TAF1: variants seen among roughly 807,000 people sequenced by gnomAD.
The protein encoded by TAF1 is TATA-box binding protein associated factor 1.
A neutral mutation model predicts 138.5 loss-of-function variants in TAF1; 2 were observed. The ratio of observed to expected loss-of-function variants is 0.01; its 90% CI spans 0.01 to 0.05. TAF1 has a LOEUF of 0.05. Among genes scored for constraint, TAF1 ranks in the 10% least tolerant of loss-of-function variants. The pLI, the probability that TAF1 is intolerant of heterozygous loss-of-function variation, is 1.00. For synonymous variants in TAF1, 437 were observed against 503.2 expected, an observed-to-expected ratio of 0.87 and a Z score of 1.76; for missense variants, 709 against 1,478.0, an observed-to-expected ratio of 0.48 and a Z score of 8.53.
exon 15 of TAF1, chrX:71,529,798 T>C (rs955847544): frequency 6.1e-6 from 2 of 326,531 alleles, no homozygotes; most frequent in East Asian, 2.0e-4. Flanking sequence ...CTCATCTCCG[T>C]TTTGATACGT....
intron 28 of TAF1, among the ~76,000 whole-genome samples, chrX:71,410,949 A>AT (rs1765080797): frequency 9.2e-6 from 1 of 109,155 alleles, no homozygotes; most frequent in Non-Finnish European, 1.9e-5. Flanking sequence ...CACCGGGCTA[A>AT]TTTTTTTATT....
chrX:71,524,804 A>G (rs934221318), intron 13 of TAF1, among the ~76,000 whole-genome samples: 2 of 108,460 alleles, frequency 1.8e-5, no homozygotes, highest in Non-Finnish European at 3.8e-5. Flanking sequence ...AGCCAGGTGC[A>G]GTGGCGGTTG....
intron 13 of TAF1, among the ~76,000 whole-genome samples, chrX:71,515,782 T>A (rs2039813075): frequency 9.0e-6 from 1 of 111,704 alleles, no homozygotes; most frequent in South Asian, 3.7e-4. Context: ...TTTCTCCCTG[T>A]TACTTAGTCA....
At chrX:71,437,704 T>G (rs1022357522) in intron 32 of TAF1, among the ~76,000 whole-genome samples, 1 of 109,437 alleles carries the variant, frequency 9.1e-6, no homozygotes, top group Admixed American at 9.8e-5. Context: ...AAGTCCTTCA[T>G]GTCATTGAAG....
intron 37 of TAF1, among the ~76,000 whole-genome samples, chrX:71,462,344 G>A (rs147590887): frequency 0.013 from 1,485 of 111,462 alleles, 11 homozygotes; most frequent in African/African-American, 0.034. Flanking sequence ...TTGGGAGGCC[G>A]AGGCAGGCAG....
At chrX:71,405,894 T>C (rs966334611) in intron 25 of TAF1, among the ~76,000 whole-genome samples, 4 of 111,202 alleles carry the variant, frequency 3.6e-5, no homozygotes, top group African/African-American at 1.3e-4. Flanking sequence ...AAAAATGTGA[T>C]ACCATGGTCC....
chrX:71,508,564 C>T (rs1043767939), intron 13 of TAF1, among the ~76,000 whole-genome samples: 2 of 97,949 alleles, frequency 2.0e-5, no homozygotes, highest in Non-Finnish European at 4.1e-5. Flanking sequence ...ATGATCACAC[C>T]GCTGCACTCC....
At chrX:71,388,548 A>G in intron 16 of TAF1, 170 bp downstream of exon 16, 1 of 912,781 alleles carries the variant, frequency 1.1e-6, no homozygotes. Context: ...GCTGCCAGGA[A>G]GTTTAATGTG....
At chrX:71,508,084 CTCTA>C (rs1189949094) in intron 13 of TAF1, among the ~76,000 whole-genome samples, 47 of 94,783 alleles carry the variant, frequency 5.0e-4, no homozygotes, top group Non-Finnish European at 8.3e-4. Flanking sequence ...CTCTCTCTCT[CTCTA>C]TATATATATA....
chrX:71,426,700 AGT>A (rs1328461263), intron 32 of TAF1, among the ~76,000 whole-genome samples: 6 of 106,931 alleles, frequency 5.6e-5, no homozygotes, highest in Non-Finnish European at 1.2e-4. Context: ...GGGCAACAAG[AGT>A]GAAACTCCAT....
intron 32 of TAF1, 128 bp from the exon 33 acceptor site, chrX:71,454,040 CAA>C (rs1182478142): frequency 3.9e-6 from 2 of 510,102 alleles, no homozygotes; most frequent in Non-Finnish European, 6.5e-6. Flanking sequence ...GAAAGTAGAA[CAA>C]GAGTCCAAGT....
At chrX:71,408,176 G>A (rs772222671) in intron 28 of TAF1, 25 bp downstream of exon 28, 12 of 1,205,842 alleles carry the variant, frequency 1.0e-5, no homozygotes, top group Non-Finnish European at 1.3e-5. Context: ...TTCCGTGATT[G>A]CAAAGGTCAC....
intron 18 of TAF1, 66 bp from the exon 19 acceptor site, chrX:71,392,503 G>A: frequency 4.6e-6 from 5 of 1,076,646 alleles, no homozygotes; most frequent in Non-Finnish European, 4.9e-6. Context: ...TTCTACTCTT[G>A]TAGATATTGG....
At chrX:71,469,591 G>A (rs1441605588), downstream of TAF1, among the ~76,000 whole-genome samples, 1 of 109,283 alleles carries the variant, frequency 9.2e-6, no homozygotes. Context: ...ACCTACTCGG[G>A]AGGCTCGGGT....
chrX:71,424,226 G>A lies in TAF1; in HGVS notation c.4741G>A (p.Val1581Ile), dbSNP rs1174520565. 1.7e-6 allele frequency: 2 copies of A among 1,198,460 alleles called. No homozygotes were observed. Among genetic ancestry groups the A allele is most frequent in the South Asian group, 1.8e-5 (1 of 55,642 alleles). The change falls in exon 32 of 38, where the codon GTT (valine) becomes ATT (isoleucine). Residue 1581 changes from valine to isoleucine, a missense_variant. Val to Ile is a conservative substitution (Grantham distance 29). Coordinates refer to ENST00000423759, the MANE Select transcript of TAF1 (RefSeq NM_004606.5). ...DDVNLILANS[V>I]KYNGPESQYT... ...TGTAAACCTTATTCTGGCCAACAGT[G>A]TTAAGTATAATGGTGGGTATTTCTC...
intron 13 of TAF1, among the ~76,000 whole-genome samples, chrX:71,478,384 C>T (rs777409506): frequency 3.6e-5 from 4 of 110,451 alleles, no homozygotes; most frequent in Admixed American, 9.8e-5. Flanking sequence ...TGGCCAACTG[C>T]GGTGGCTCAT....
chrX:71,369,227 C>G (rs770000655), intron 3 of TAF1, among the ~76,000 whole-genome samples: 10 of 111,238 alleles, frequency 9.0e-5, no homozygotes, highest in African/African-American at 3.3e-4. Flanking sequence ...GAACTCCTTA[C>G]CTCAAGTGAC....
intron 13 of TAF1, among the ~76,000 whole-genome samples, chrX:71,486,366 A>T (rs1326884223): frequency 2.8e-5 from 3 of 107,114 alleles, no homozygotes; most frequent in African/African-American, 1.0e-4. Flanking sequence ...TATTTTTTTT[A>T]ATTTGTTTTA....
chrX:71,372,259 C>T (rs2033114786), intron 3 of TAF1, among the ~76,000 whole-genome samples: 1 of 108,842 alleles, frequency 9.2e-6, no homozygotes, highest in Non-Finnish European at 1.9e-5. Context: ...TGGTGAAATG[C>T]TGTCTGTACT....
Sources: gnomAD v4.1 joint callset for allele counts (sites outside exome capture counted in the v4.1 genomes callset) on GRCh38, gnomAD v4.1.1 for gene constraint, MANE v1.5 for transcripts, NCBI Gene and HGNC (gene_info 2026-07-23, HGNC 2026-07-21) for gene names.